The following DNAI2 variants were observed in gnomAD, a reference collection of about 807,000 sequenced individuals.
DNAI2 encodes the protein dynein, axonemal, intermediate polypeptide 2.
Under a neutral mutation model 74.7 loss-of-function variants are expected in DNAI2, and 63 were observed. The ratio of observed to expected loss-of-function variants is 0.84; its 90% CI spans 0.69 to 1.04. DNAI2 has a LOEUF of 1.04. Ranked by LOEUF, DNAI2 falls within the 50% of genes least tolerant of loss-of-function variation. The pLI, the probability that DNAI2 is intolerant of heterozygous loss-of-function variation, is 0.00. For synonymous variants in DNAI2, 289 were observed against 314.9 expected, an observed-to-expected ratio of 0.92 and a Z score of 0.87; for missense variants, 688 against 803.2, an observed-to-expected ratio of 0.86 and a Z score of 1.73.
Position 74,289,617 on chromosome 17 carries a change from C to A in DNAI2, c.491C>A (p.Ala164Asp). The change falls in exon 5 of 14, where the codon GCT (alanine) becomes GAT (aspartate). Residue 164 changes from alanine (A) to aspartate (D), a missense_variant. Transcript: ENST00000311014. ...AGGGACCCCCAGGAAATCAAGAGGGCTGCCACACACCTCTCCTGGCACCCC... is the reference window on the plus strand; with the variant it reads ...AGGGACCCCCAGGAAATCAAGAGGGATGCCACACACCTCTCCTGGCACCCC... Reference protein sequence around the residue: ...VFRDPQEIKRAATHLSWHPDG... With the variant: ...VFRDPQEIKRDATHLSWHPDG... 6.2e-7 allele frequency: 1 copy of A among 1,614,026 alleles called. No individual in the cohort carries two copies. Among genetic ancestry groups the A allele is most frequent in the Non-Finnish European group, 8.5e-7 (1 of 1,180,014 alleles).
At chr17:74,275,442 A>C (rs941524186) in intron 1 of DNAI2, among the ~76,000 whole-genome samples, 5 of 152,104 alleles carry the variant, frequency 3.3e-5, no homozygotes, top group African/African-American at 1.2e-4. Flanking sequence ...AAAGAGAAAG[A>C]AAGCTGGGTG....
rs976332777 is a variant in DNAI2, at chr17:74,305,348, A to T, written c.1117A>T (p.Asn373Tyr). ...TGGCCCCATCTACGCCCTCCAGAGA[A>T]ACCCCTTCTACCCGAAGAACTTCCT... ...HHGPIYALQR[N>Y]PFYPKNFLTV... Residue 373 changes from asparagine (N) to tyrosine (Y), a missense_variant, in exon 9 of 14, where the codon AAC (asparagine) becomes TAC (tyrosine). Coordinates refer to ENST00000311014, the MANE Select transcript of DNAI2 (RefSeq NM_023036.6). 1 of 1,614,032 alleles carries T rather than the reference A, an allele frequency of 6.2e-7. No individual in the cohort carries two copies. Among genetic ancestry groups the T allele is most frequent in the African/African-American group, 1.3e-5 (1 of 74,926 alleles).
At chr17:74,306,971 A>T (rs906695653) in intron 9 of DNAI2, among the ~76,000 whole-genome samples, 1 of 152,198 alleles carries the variant, frequency 6.6e-6, no homozygotes, top group Non-Finnish European at 1.5e-5. Context: ...GGGGGTACTA[A>T]CATAGAATCT....
chr17:74,309,468 G>T, intron 10 of DNAI2, 80 bp downstream of exon 10: 1 of 1,594,560 alleles, frequency 6.3e-7, no homozygotes, highest in South Asian at 1.1e-5. Context: ...GGGGTGCTGT[G>T]AGCACGTGTG....
Position 74,313,344 on chromosome 17 carries a change from G to T in DNAI2, c.1723-777G>T, listed in dbSNP as rs563007197. Among the ~76,000 whole-genome samples, 16 of 152,294 alleles carry T rather than the reference G, an allele frequency of 1.1e-4. No homozygotes were observed. The South Asian group carries it at 3.1e-3, about 30-fold the overall frequency. ...GTGCATTTTGCATTTGGGGGTACTT[G>T]GTTATGAGATGTTTTCTTCTCACAC... On this transcript the variant is annotated intron_variant, in intron 12 of 13. Coordinates refer to ENST00000311014, the MANE Select transcript of DNAI2 (RefSeq NM_023036.6).
At chr17:74,292,037 C>G (rs1475604168) in intron 6 of DNAI2, among the ~76,000 whole-genome samples, 1 of 151,824 alleles carries the variant, frequency 6.6e-6, no homozygotes, top group African/African-American at 2.4e-5. Flanking sequence ...CTAATTTTGT[C>G]TTTTTTCAGT....
chr17:74,289,410 G>A (rs1207726419), intron 4 of DNAI2, among the ~76,000 whole-genome samples, 184 bp from the exon 5 acceptor site: 1 of 151,870 alleles, frequency 6.6e-6, no homozygotes, highest in South Asian at 2.1e-4. Flanking sequence ...GCCTGTAATC[G>A]TAGCTACTCG....
chr17:74,312,333 T>TA, intron 12 of DNAI2, 103 bp downstream of exon 12: 2 of 833,510 alleles, frequency 2.4e-6, no homozygotes, highest in Non-Finnish European at 3.8e-6. Flanking sequence ...CTTGAGCAAG[T>TA]AGTCTTACCT....
intron 4 of DNAI2, among the ~76,000 whole-genome samples, 200 bp from the exon 5 acceptor site, chr17:74,289,394 G>T: frequency 6.6e-6 from 1 of 152,266 alleles, no homozygotes; most frequent in Middle Eastern, 3.4e-3. Context: ...AGGCGTGGTG[G>T]TGTGCGCCTG....
chr17:74,301,407 T>C (rs939239407), intron 8 of DNAI2, among the ~76,000 whole-genome samples: 3 of 152,190 alleles, frequency 2.0e-5, no homozygotes, highest in African/African-American at 7.2e-5. Flanking sequence ...TTTTGGCCAG[T>C]GGCCCAGCTG....
intron 6 of DNAI2, among the ~76,000 whole-genome samples, chr17:74,296,311 A>AAC (rs1555611063): frequency 2.9e-4 from 30 of 102,126 alleles, no homozygotes; most frequent in Non-Finnish European, 5.3e-4. Flanking sequence ...CTTGCCTTTA[A>AAC]AGAGAGAGAG....
At chr17:74,287,205 G>A (rs2051803461) in intron 4 of DNAI2, 107 bp downstream of exon 4, 1 of 1,518,140 alleles carries the variant, frequency 6.6e-7, no homozygotes, top group Non-Finnish European at 9.0e-7. Flanking sequence ...GTGCAGCACT[G>A]TCTGTGCTCT....
In DNAI2 at chr17:74,312,109, A is replaced by G. The variant is rs755351514; in HGVS notation, c.1601A>G (p.Asp534Gly). Residue 534 changes from aspartate (D) to glycine (G), a missense_variant, in exon 12 of 14, where the codon GAT (aspartate) becomes GGT (glycine). Asp to Gly is a moderately conservative substitution (Grantham distance 94, BLOSUM62 -1). Transcript: ENST00000311014. Reference protein sequence around the residue: ...KAEGRDEEQTDEELAVDLEAL... With the variant: ...KAEGRDEEQTGEELAVDLEAL... ...GAGGGCAGGGATGAGGAGCAGACCG[A>G]TGAGGAGCTGGCCGTAGACCTGGAG... 1 of 1,613,730 alleles carries G rather than the reference A, an allele frequency of 6.2e-7. No individual in the cohort carries two copies. Among genetic ancestry groups the G allele is most frequent in the Non-Finnish European group, 8.5e-7 (1 of 1,179,968 alleles).
intron 3 of DNAI2, among the ~76,000 whole-genome samples, chr17:74,286,379 T>C (rs1353949477): frequency 1.3e-5 from 2 of 151,734 alleles, no homozygotes; most frequent in Non-Finnish European, 2.9e-5. Context: ...CTTTTCTTCA[T>C]TATTGGCCTT....
chr17:74,285,312 C>T, intron 3 of DNAI2, 111 bp downstream of exon 3: 1 of 1,396,944 alleles, frequency 7.2e-7, no homozygotes, highest in Admixed American at 2.0e-5. Context: ...CGTGTGAATG[C>T]TGGGGGGAAG....
At chr17:74,276,599 T>C (rs2051098300) in intron 1 of DNAI2, among the ~76,000 whole-genome samples, 1 of 152,192 alleles carries the variant, frequency 6.6e-6, no homozygotes. Flanking sequence ...TCTGGGTCCT[T>C]GAATGGGTTG....
intron 3 of DNAI2, 150 bp downstream of exon 3, chr17:74,285,351 C>A: frequency 1.9e-6 from 2 of 1,046,614 alleles, no homozygotes; most frequent in Non-Finnish European, 2.8e-6. Context: ...AAGGAGCCTT[C>A]TGTCTGGGAG....
At position 74,299,072 on chromosome 17, in the gene DNAI2, C is replaced by T. The variant is rs376385306; in HGVS notation, c.725-646C>T. On this transcript the variant is annotated intron_variant, in intron 6 of 13. Transcript: ENST00000311014. ...CTTTCCTAGAAACAGCTCTGAGTGA[C>T]AGGGTGAGCCCTCATTGTGCATTCA... Among the ~76,000 whole-genome samples, 9 of 152,282 alleles carry T rather than the reference C, an allele frequency of 5.9e-5. No homozygotes were observed. The East Asian group carries it at 1.2e-3, about 20-fold the overall frequency.
intron 6 of DNAI2, among the ~76,000 whole-genome samples, chr17:74,299,259 A>T (rs1257257719): frequency 6.6e-6 from 1 of 152,168 alleles, no homozygotes; most frequent in African/African-American, 2.4e-5. Context: ...AAATGGGCTA[A>T]TGTAGCAGAG....
Sources: allele counts gnomAD v4.1 joint callset (sites outside exome capture counted in the v4.1 genomes callset), GRCh38; gene constraint gnomAD v4.1.1; transcripts MANE v1.5; gene names NCBI Gene and HGNC (gene_info 2026-07-23, HGNC 2026-07-21).